Variants in MYLK4 observed in about 807,000 individuals in gnomAD.
The protein encoded by MYLK4 is myosin light chain kinase family member 4.
In MYLK4, 46 loss-of-function variants were observed where a neutral mutation model predicts 48.1. The observed-to-expected ratio is 0.96, with a 90% CI of 0.75 to 1.22. The LOEUF (loss-of-function observed/expected upper bound fraction) is 1.22. Ranked by LOEUF, MYLK4 falls within the 50% of genes most tolerant of loss-of-function variation. The pLI, the probability that MYLK4 is intolerant of heterozygous loss-of-function variation, is 0.00. For missense variants in MYLK4, 451 were observed against 486.1 expected (o/e 0.93, Z 0.68); for synonymous variants, 170 against 180.8 (o/e 0.94, Z 0.48).
chr6:2,703,320 T>A (rs1236132271), intron 2 of MYLK4, among the ~76,000 whole-genome samples: 1 of 152,192 alleles, frequency 6.6e-6, no homozygotes, highest in African/African-American at 2.4e-5. Context: ...AAGAAGTTTT[T>A]AAAAATATTT....
chr6:2,737,743 G>C (rs1225155083), intron 2 of MYLK4, among the ~76,000 whole-genome samples: 1 of 152,060 alleles, frequency 6.6e-6, no homozygotes, highest in Non-Finnish European at 1.5e-5. Context: ...GGAAAGACAT[G>C]AAAGAAGAAA....
At chr6:2,713,266 A>T (rs1402960059) in intron 2 of MYLK4, among the ~76,000 whole-genome samples, 1 of 151,940 alleles carries the variant, frequency 6.6e-6, no homozygotes, top group Non-Finnish European at 1.5e-5. Flanking sequence ...GCTACCTGGG[A>T]GGCTGAGGCA....
In MYLK4 at chr6:2,679,286, T is replaced by C. The variant is rs1200133647; in HGVS notation, c.881A>G (p.Tyr294Cys). ...TDMWSVGVIA[Y>C]MLLSGLSPFL... Reference sequence around the variant, plus strand: ...ACAGAGGAGAGCTACTCACAGCATATAGGCGATGACCCCCACACTCCACAT... The same window carrying C: ...ACAGAGGAGAGCTACTCACAGCATACAGGCGATGACCCCCACACTCCACAT... Residue 294 changes from tyrosine (Y) to cysteine (C), a missense_variant, in exon 9 of 13, where the codon TAT becomes TGT. By Grantham distance (194) the Tyr-to-Cys change is radical. Coordinates refer to ENST00000274643, the MANE Select transcript of MYLK4 (RefSeq NM_001012418.5). 1.2e-6 allele frequency: 2 copies of C among 1,614,088 alleles called. No homozygotes were observed. The highest frequency in any genetic ancestry group is 8.5e-7 in the Non-Finnish European group (1 of 1,179,996).
At chr6:2,768,610 C>CTGCG in the MYLK4 span, 1 of 1,229,776 alleles carries the variant, frequency 8.1e-7, no homozygotes, top group Non-Finnish European at 1.1e-6. Flanking sequence ...AATAGTGATG[C>CTGCG]TGCGTGTGGT....
At position 2,692,959 on chromosome 6, in the gene MYLK4, G is replaced by A. The variant is rs1761871264; in HGVS notation, c.160-100C>T. The A allele has an allele frequency of 4.6e-6, 5 of 1,087,484 alleles. No individual in the cohort carries two copies. In the Middle Eastern group the frequency reaches 7.6e-4, roughly 165 times the overall value. 67.4% of individuals were successfully genotyped at this position (1,087,484 alleles called of 1,614,324 possible). A position where few individuals can be genotyped will look rare whatever the true frequency, so the allele number is the denominator to read the frequency against. On this transcript the variant is annotated intron_variant, in intron 2 of 12. Transcript: ENST00000274643. ...GCGCTGGATGATTCCGTGTGGTGGG[G>A]AATGTCACGAGCATTACAGGACAGC...
the MYLK4 span, chr6:2,768,629 TG>T: frequency 7.1e-7 from 1 of 1,413,058 alleles, no homozygotes; most frequent in Non-Finnish European, 9.5e-7. Flanking sequence ...GTGGTTCCCA[TG>T]GGTGCTGGTC....
At chr6:2,697,760 C>T (rs966850547) in intron 2 of MYLK4, among the ~76,000 whole-genome samples, 2 of 152,224 alleles carry the variant, frequency 1.3e-5, no homozygotes, top group African/African-American at 4.8e-5. Flanking sequence ...ATGCCACCAT[C>T]GTTTTCCGTG....
chr6:2,699,701 A>G (rs1026983072), intron 2 of MYLK4, among the ~76,000 whole-genome samples: 1 of 152,162 alleles, frequency 6.6e-6, no homozygotes, highest in Non-Finnish European at 1.5e-5. Context: ...AAAACTTTTT[A>G]TAAATATACT....
Position 2,673,950 on chromosome 6 carries a change from A to G in MYLK4, c.1119+1097T>C, listed in dbSNP as rs1239988387. Reference sequence around the variant, plus strand: ...GAGAGGAAGGAAGCAAAGAAGATGTACGGGGGCTGGCTGGGGCCGCTCCAT... The same window carrying G: ...GAGAGGAAGGAAGCAAAGAAGATGTGCGGGGGCTGGCTGGGGCCGCTCCAT... On this transcript the variant is annotated intron_variant, in intron 11 of 12. Coordinates refer to ENST00000274643, the MANE Select transcript of MYLK4 (RefSeq NM_001012418.5). The surrounding 1 kb of genome is among the most constrained non-coding windows in gnomAD (Gnocchi z 4.2). Among the ~76,000 whole-genome samples, 1 of 152,216 alleles carries G rather than the reference A, an allele frequency of 6.6e-6. No individual in the cohort carries two copies. The highest frequency in any genetic ancestry group is 1.9e-4 in the East Asian group (1 of 5,198).
At position 2,672,038 on chromosome 6, in the gene MYLK4, G is replaced by A. The variant is rs1161813899; in HGVS notation, c.1120-690C>T. ...TAATTAAGGAACTAATGATTTGATA[G>A]ATTAGGGAAGAGGGTGAGTAGAGGT... On this transcript the variant is annotated intron_variant, in intron 11 of 12. Coordinates refer to ENST00000274643, the MANE Select transcript of MYLK4 (RefSeq NM_001012418.5). This position sits in a 1 kb window ranked among gnomAD's most constrained non-coding sequence, Gnocchi z 4.3. Among the ~76,000 whole-genome samples the A allele has an allele frequency of 2.6e-5, 4 of 152,204 alleles. No homozygotes were observed. Among genetic ancestry groups the A allele is most frequent in the Non-Finnish European group, 5.9e-5 (4 of 68,030 alleles).
intron 2 of MYLK4, among the ~76,000 whole-genome samples, chr6:2,717,659 T>C (rs1208077819): frequency 6.6e-6 from 1 of 152,228 alleles, no homozygotes; most frequent in African/African-American, 2.4e-5. Flanking sequence ...CAGCAGAAGC[T>C]TGTGGGTAGA....
intron 2 of MYLK4, among the ~76,000 whole-genome samples, chr6:2,724,935 G>C (rs1313171276): frequency 6.6e-6 from 1 of 152,200 alleles, no homozygotes; most frequent in Non-Finnish European, 1.5e-5. Flanking sequence ...CGGATCACCT[G>C]AGGTCAGGAG....
At chr6:2,676,091 C>CAAA (rs34207127) in intron 10 of MYLK4, among the ~76,000 whole-genome samples, 3 of 128,250 alleles carry the variant, frequency 2.3e-5, no homozygotes, top group Non-Finnish European at 4.9e-5. Context: ...GATTCTGTCT[C>CAAA]AAAAAAAAAA....
chr6:2,726,123 C>A (rs892779712), intron 2 of MYLK4, among the ~76,000 whole-genome samples: 25 of 152,176 alleles, frequency 1.6e-4, no homozygotes, highest in Non-Finnish European at 2.8e-4. Context: ...TTGCAAACAT[C>A]TCATGGAGTT....
intron 1 of MYLK4, among the ~76,000 whole-genome samples, chr6:2,750,193 G>A (rs1391927382): frequency 6.6e-6 from 1 of 152,136 alleles, no homozygotes; most frequent in Non-Finnish European, 1.5e-5. Flanking sequence ...GAGATTTTCC[G>A]AAAAGCGCCT....
chr6:2,737,413 ATGGG>A (rs1763718583), intron 2 of MYLK4, among the ~76,000 whole-genome samples: 1 of 152,206 alleles, frequency 6.6e-6, no homozygotes, highest in Non-Finnish European at 1.5e-5. Flanking sequence ...TTGGTAGTAC[ATGGG>A]CATCTTATTC....
intron 2 of MYLK4, among the ~76,000 whole-genome samples, chr6:2,734,909 G>A (rs1763616006): frequency 1.3e-5 from 2 of 152,220 alleles, no homozygotes; most frequent in South Asian, 2.1e-4. Context: ...GATGGGGCCC[G>A]AGAGCCTGCA....
chr6:2,685,399 C>A lies in MYLK4; in HGVS notation c.442G>T (p.Val148Leu), dbSNP rs1761494761. 1.2e-6 allele frequency: 2 copies of A among 1,613,668 alleles called. No homozygotes were observed. Among genetic ancestry groups the A allele is most frequent in the Non-Finnish European group, 8.5e-7 (1 of 1,179,662 alleles). Residue 148 changes from valine to leucine, a missense_variant, in exon 6 of 13, where the codon GTG becomes TTG. Transcript: ENST00000274643. The surrounding 1 kb of genome is among the most constrained non-coding windows in gnomAD (Gnocchi z 4.5). ...TTCATGACGCTGATCTCGTTCTTCA[C>A]CTCCTCCTGAGAAGCAGGAAACAGT... ...KTRGMKDKEEVKNEISVMNQL... is the reference protein window; with the variant it reads ...KTRGMKDKEELKNEISVMNQL...
chr6:2,765,458 T>G, the MYLK4 span: 1 of 837,338 alleles, frequency 1.2e-6, no homozygotes, highest in Non-Finnish European at 1.6e-6. Context: ...ACGCGGGAGC[T>G]GCGGACGTGA....
Sources: allele counts gnomAD v4.1 joint callset (sites outside exome capture counted in the v4.1 genomes callset), GRCh38; gene constraint gnomAD v4.1.1; non-coding constraint Gnocchi (gnomAD v3.1); transcripts MANE v1.5; gene names NCBI Gene and HGNC (gene_info 2026-07-23, HGNC 2026-07-21).